IGF1R: variants seen among roughly 807,000 people sequenced by gnomAD.
The protein encoded by IGF1R is insulin-like growth factor 1 receptor.
Under a neutral mutation model 144.6 loss-of-function variants are expected in IGF1R, and 44 were observed. That is an observed-to-expected ratio of 0.30 (90% CI 0.24 to 0.39). The LOEUF (loss-of-function observed/expected upper bound fraction) is 0.39, where lower values mean the gene tolerates loss of function less well. IGF1R is among the 10% of genes least tolerant of loss of function. The pLI, the probability that IGF1R is intolerant of heterozygous loss-of-function variation, is 1.00. For synonymous variants in IGF1R, 795 were observed against 722.8 expected, an observed-to-expected ratio of 1.10 and a Z score of -1.60; for missense variants, 1,355 against 1,833.7, an observed-to-expected ratio of 0.74 and a Z score of 4.77.
chr15:98,817,161 G>A (rs921170451), intron 2 of IGF1R, among the ~76,000 whole-genome samples: 11 of 152,130 alleles, frequency 7.2e-5, no homozygotes, highest in African/African-American at 2.2e-4. Context: ...AATTAGCTGG[G>A]TGTGGTGGCC....
At chr15:98,913,766 C>G (rs2015124183) in intron 8 of IGF1R, among the ~76,000 whole-genome samples, 1 of 152,184 alleles carries the variant, frequency 6.6e-6, no homozygotes, top group Non-Finnish European at 1.5e-5. Flanking sequence ...TCAGAGTATT[C>G]ACTGATGATG....
rs35913807 is a variant in IGF1R at position 98,957,744 on chromosome 15, GTCCCTGTCCT to G, written c.*310_*319del. ...ACTTGAGAACCAGTCTCCTCACTCT[GTCCCTGTCCT>G]TCCCTGTTCTCCCTTTCTCTCTCCT... On this transcript the variant is annotated 3_prime_UTR_variant, in exon 21 of 21. Coordinates refer to ENST00000650285, the MANE Select transcript of IGF1R (RefSeq NM_000875.5). 39 of 475,524 alleles carry G rather than the reference GTCCCTGTCCT, an allele frequency of 8.2e-5. No homozygotes were observed. In the Admixed American group the frequency reaches 1.5e-3, roughly 18 times the overall value. The allele number at this position is 475,524 out of a possible 1,614,324, so 29.5% of individuals were successfully genotyped here.
At chr15:98,950,482 G>A (rs1050836323) in intron 20 of IGF1R, among the ~76,000 whole-genome samples, 1 of 152,212 alleles carries the variant, frequency 6.6e-6, no homozygotes, top group East Asian at 1.9e-4. Flanking sequence ...TTCTGCACTT[G>A]CAGGACTGAG....
intron 10 of IGF1R, among the ~76,000 whole-genome samples, chr15:98,919,757 G>T (rs1279601159): frequency 6.6e-6 from 1 of 152,132 alleles, no homozygotes. Context: ...GTTAATATTT[G>T]TTTTTTTGCC....
At chr15:98,837,278 C>T (rs948940235) in intron 2 of IGF1R, among the ~76,000 whole-genome samples, 1 of 151,996 alleles carries the variant, frequency 6.6e-6, no homozygotes, top group Non-Finnish European at 1.5e-5. Context: ...CTCGCTCAGT[C>T]GCCAGACTGG....
chr15:98,864,213 C>T (rs2012307914), intron 2 of IGF1R, among the ~76,000 whole-genome samples: 1 of 152,140 alleles, frequency 6.6e-6, no homozygotes, highest in Non-Finnish European at 1.5e-5. Flanking sequence ...TGTGATCATG[C>T]CCCTGCTCTC....
At chr15:98,672,383 G>A (rs569633279) in intron 1 of IGF1R, among the ~76,000 whole-genome samples, 2 of 152,126 alleles carry the variant, frequency 1.3e-5, no homozygotes, top group African/African-American at 2.4e-5. Flanking sequence ...TGGCGAGCAC[G>A]GCGAAACCCC....
At chr15:98,828,551 A>G (rs1294761718) in intron 2 of IGF1R, among the ~76,000 whole-genome samples, 1 of 152,122 alleles carries the variant, frequency 6.6e-6, no homozygotes, top group African/African-American at 2.4e-5. Flanking sequence ...CATAGTCAGA[A>G]TGTTTTCAGA....
intron 5 of IGF1R, among the ~76,000 whole-genome samples, chr15:98,902,927 A>T (rs1306279732): frequency 1.3e-5 from 2 of 152,134 alleles, no homozygotes; most frequent in Non-Finnish European, 2.9e-5. Context: ...AAATTCAAGC[A>T]TTTTACATAG....
chr15:98,946,646 A>T (rs2016564962), intron 19 of IGF1R, among the ~76,000 whole-genome samples: 1 of 152,204 alleles, frequency 6.6e-6, no homozygotes, highest in South Asian at 2.1e-4. Context: ...TGGAATGGGC[A>T]TCAGCTGCAG....
At chr15:98,784,186 G>A (rs2055931188) in intron 2 of IGF1R, among the ~76,000 whole-genome samples, 1 of 151,866 alleles carries the variant, frequency 6.6e-6, no homozygotes, top group Non-Finnish European at 1.5e-5. Context: ...TGTTGACCAG[G>A]CTGGTTTCAA....
At chr15:98,873,807 T>G (rs913384115) in intron 2 of IGF1R, 7 of 152,262 alleles carry the variant, frequency 4.6e-5, no homozygotes, top group Non-Finnish European at 8.8e-5. Flanking sequence ...GGATGCTGGC[T>G]ATTACAGATG....
chr15:98,821,659 C>T (rs1466689400), intron 2 of IGF1R, among the ~76,000 whole-genome samples: 3 of 152,200 alleles, frequency 2.0e-5, no homozygotes, highest in Non-Finnish European at 4.4e-5. Context: ...TAAGATGTAA[C>T]TCTCTTACCT....
chr15:98,835,365 A>G (rs2057080924), intron 2 of IGF1R, among the ~76,000 whole-genome samples: 1 of 152,226 alleles, frequency 6.6e-6, no homozygotes, highest in Non-Finnish European at 1.5e-5. Flanking sequence ...GCGAAGTGGA[A>G]GCACTCATCT....
chr15:98,934,770 G>A lies in IGF1R; in HGVS notation c.2957-54G>A, dbSNP rs1329480174. The A allele has an allele frequency of 1.5e-5, 22 of 1,501,298 alleles. 1 individual carries two copies. Among genetic ancestry groups the A allele is most frequent in the Admixed American group, 8.5e-5 (5 of 59,140 alleles). The allele number at this position is 1,501,298 out of a possible 1,614,324, so 93.0% of individuals were successfully genotyped here. A position where few individuals can be genotyped will look rare whatever the true frequency, so the allele number is the denominator to read the frequency against. ...TTGGCTTAGAGTTCCCCCAAAGCAC[G>A]TTCTGTCTAAGGGCTTGTTTCTGTA... On this transcript the variant is annotated intron_variant, in intron 15 of 20. Coordinates refer to ENST00000650285, the MANE Select transcript of IGF1R (RefSeq NM_000875.5).
At position 98,960,523 on chromosome 15, in the gene IGF1R, GTC is replaced by G. The variant is rs2017181275; in HGVS notation, c.*3082_*3083del. 4.3e-6 allele frequency: 1 copy of G among 233,422 alleles called. No homozygotes were observed. The highest frequency in any genetic ancestry group is 2.2e-5 in the African/African-American group (1 of 45,486). The allele number at this position is 233,422 out of a possible 1,614,324, so 14.5% of individuals were successfully genotyped here. On this transcript the variant is annotated 3_prime_UTR_variant, in exon 21 of 21. Coordinates refer to ENST00000650285, the MANE Select transcript of IGF1R (RefSeq NM_000875.5). ...CCTCAGGTTCTGAGGAGAGGAAGGT[GTC>G]CAGGCAGCACCATCTCTGTGCGAAT...
chr15:98,886,772 T>G (rs1039252180), intron 2 of IGF1R, among the ~76,000 whole-genome samples: 1 of 152,156 alleles, frequency 6.6e-6, no homozygotes, highest in South Asian at 2.1e-4. Context: ...ATAATATTTA[T>G]ATACATTGAG....
intron 2 of IGF1R, among the ~76,000 whole-genome samples, chr15:98,728,364 G>C (rs1457854274): frequency 3.9e-5 from 6 of 152,120 alleles, no homozygotes; most frequent in African/African-American, 1.4e-4. Context: ...TTGACTGGAG[G>C]GGCCTGAGCT....
chr15:98,684,973 C>T (rs56225269), intron 1 of IGF1R, among the ~76,000 whole-genome samples: 1,981 of 142,028 alleles, frequency 0.014, 27 homozygotes, highest in South Asian at 0.035. Flanking sequence ...GATAGTGTCT[C>T]GCTCTGTAAC....
Sources: allele counts gnomAD v4.1 joint callset (sites outside exome capture counted in the v4.1 genomes callset), GRCh38; gene constraint gnomAD v4.1.1; transcripts MANE v1.5; gene names NCBI Gene and HGNC (gene_info 2026-07-23, HGNC 2026-07-21).